JAK1: variants seen among roughly 807,000 people sequenced by gnomAD.
JAK1 encodes tyrosine-protein kinase JAK1.
JAK1 carries 16 observed loss-of-function variants against 136.6 expected under a neutral mutation model. The observed-to-expected ratio is 0.12, with a 90% CI of 0.08 to 0.18. The LOEUF (loss-of-function observed/expected upper bound fraction) is 0.18, where lower values mean the gene tolerates loss of function less well. JAK1 is among the 10% of genes least tolerant of loss of function. The probability of loss-of-function intolerance (pLI) is 1.00; values close to 1 mark genes in which losing one functional copy is unlikely to be tolerated. For synonymous variants in JAK1, 492 were observed against 519.5 expected, an observed-to-expected ratio of 0.95 and a Z score of 0.72; for missense variants, 859 against 1,450.1, an observed-to-expected ratio of 0.59 and a Z score of 6.62.
intron 1 of JAK1, among the ~76,000 whole-genome samples, chr1:64,964,856 C>G (rs1646344303): frequency 6.6e-6 from 1 of 152,140 alleles, no homozygotes; most frequent in Non-Finnish European, 1.5e-5. Context: ...CATTACAAAG[C>G]ATATTGTACC....
At chr1:64,863,766 TC>T (rs1234319357) in intron 8 of JAK1, among the ~76,000 whole-genome samples, 1 of 152,234 alleles carries the variant, frequency 6.6e-6, no homozygotes, top group Non-Finnish European at 1.5e-5. Flanking sequence ...TTTCTAATAT[TC>T]TGCTTCTCAG....
intron 2 of JAK1, among the ~76,000 whole-genome samples, chr1:64,976,539 C>T (rs1454202406): frequency 6.6e-6 from 1 of 152,200 alleles, no homozygotes; most frequent in Non-Finnish European, 1.5e-5. Context: ...CCCCATCATA[C>T]ACATGGCTGT....
Position 64,857,649 on chromosome 1 carries a change from G to A in JAK1, c.1458+7C>T, listed in dbSNP as rs750944093. The A allele has an allele frequency of 6.2e-7, 1 of 1,614,006 alleles. No individual in the cohort carries two copies. Among genetic ancestry groups the A allele is most frequent in the South Asian group, 1.1e-5 (1 of 91,060 alleles). ...ATGGCCTGGTCCAAGCCAGTGTCCT[G>A]ACTGACCTCAGACTTCTCAAAGCAG... On this transcript the variant is annotated splice_region_variant and intron_variant, in intron 10 of 24. Transcript: ENST00000342505.
intron 14 of JAK1, 140 bp from the exon 15 acceptor site, chr1:64,845,780 G>A: frequency 9.9e-7 from 1 of 1,014,274 alleles, no homozygotes; most frequent in Non-Finnish European, 1.5e-6. Flanking sequence ...AATGGTGCAG[G>A]GGCTTCAGAG....
chr1:65,054,694 A>T (rs1647449753), intron 1 of JAK1, among the ~76,000 whole-genome samples: 1 of 152,190 alleles, frequency 6.6e-6, no homozygotes, highest in African/African-American at 2.4e-5. Context: ...ACCAGAAAAG[A>T]CATAAAGCCA....
intron 1 of JAK1, among the ~76,000 whole-genome samples, chr1:64,923,505 G>A (rs1645531786): frequency 6.6e-6 from 1 of 152,174 alleles, no homozygotes; most frequent in Non-Finnish European, 1.5e-5. Flanking sequence ...CTTTGGTTCA[G>A]ATCACATGGG....
chr1:64,985,379 G>T (rs1038991048), intron 2 of JAK1: 1 of 1,611,038 alleles, frequency 6.2e-7, no homozygotes, highest in Non-Finnish European at 8.5e-7. Flanking sequence ...TCATCTCCTG[G>T]ATGTCTTGGG....
chr1:64,937,090 C>A (rs140078900), intron 1 of JAK1, among the ~76,000 whole-genome samples: 1 of 151,816 alleles, frequency 6.6e-6, no homozygotes. Context: ...TCCCCACCCC[C>A]AGTTTGGTCT....
At chr1:64,940,656 G>GA (rs1437621610) in intron 1 of JAK1, among the ~76,000 whole-genome samples, 8 of 152,070 alleles carry the variant, frequency 5.3e-5, no homozygotes, top group Non-Finnish European at 1.5e-5. Context: ...ATGAGGTTAA[G>GA]ACGGGTTTAC....
At chr1:64,835,167 G>T (rs1485105054) in intron 24 of JAK1, among the ~76,000 whole-genome samples, 1 of 152,206 alleles carries the variant, frequency 6.6e-6, no homozygotes, top group African/African-American at 2.4e-5. Flanking sequence ...GGATAAAGAG[G>T]GGCTGGCTTT....
At chr1:64,963,797 T>C (rs993797568) in intron 1 of JAK1, among the ~76,000 whole-genome samples, 1 of 152,146 alleles carries the variant, frequency 6.6e-6, no homozygotes, top group African/African-American at 2.4e-5. Context: ...TACTCAGTAT[T>C]CCAAAGCAGG....
At chr1:65,023,461 C>T (rs553731388) in intron 2 of JAK1, among the ~76,000 whole-genome samples, 5 of 152,174 alleles carry the variant, frequency 3.3e-5, no homozygotes, top group African/African-American at 4.8e-5. Flanking sequence ...GTTGTCTCAT[C>T]CTCTTGTCCC....
chr1:65,067,011 G>C (rs1034970133), intron 1 of JAK1, among the ~76,000 whole-genome samples: 1 of 152,104 alleles, frequency 6.6e-6, no homozygotes, highest in African/African-American at 2.4e-5. Flanking sequence ...AGCGAGGGCC[G>C]CGCAAAACCG....
chr1:64,840,876 C>T (rs573997685), intron 19 of JAK1, among the ~76,000 whole-genome samples: 18 of 152,040 alleles, frequency 1.2e-4, no homozygotes, highest in African/African-American at 3.4e-4. Flanking sequence ...TATATATGCC[C>T]GGGAAAGTCA....
chr1:64,973,224 AAAG>A (rs1034231643), intron 2 of JAK1: 4 of 149,032 alleles, frequency 2.7e-5, no homozygotes, highest in Admixed American at 6.7e-5. Flanking sequence ...AAAGAAAGGA[AAAG>A]AAAGAAAGAA....
intron 2 of JAK1, among the ~76,000 whole-genome samples, chr1:64,988,658 G>A (rs1646622607): frequency 6.6e-6 from 1 of 151,938 alleles, no homozygotes; most frequent in Non-Finnish European, 1.5e-5. Flanking sequence ...CAAGACAAGA[G>A]GATCTCTTGA....
chr1:65,016,670 G>A lies in JAK1; in HGVS notation c.-78+27810C>T, dbSNP rs571416708. 1.1e-3 allele frequency among the ~76,000 whole-genome samples: 163 copies of A among 152,126 alleles called. 1 individual carries two copies. Among genetic ancestry groups the A allele is most frequent in the African/African-American group, 3.7e-3 (155 of 41,516 alleles). ...TCCCAACACTTTGGGAGGCTGAGGC[G>A]GGTGGATCACTTGAGGTCAGGAGTT... On this transcript the variant is annotated intron_variant, in intron 2 of 25. Transcript: ENST00000671954.
intron 1 of JAK1, among the ~76,000 whole-genome samples, chr1:64,956,082 T>C (rs1532448): frequency 0.98 from 149,049 of 152,384 alleles, 72,962 homozygotes; most frequent in East Asian, 1. Context: ...GCCACACTCA[T>C]TGGTTTACAT....
rs1269447966 is a variant in JAK1, at chr1:64,845,603, C to T, written c.2025G>A (p.Leu675=). The change falls in exon 15 of 25, where the codon CTG becomes CTA. Residue 675 remains leucine (L), a synonymous_variant. Transcript: ENST00000342505. ...MVEEFVEGGP[L]DLFMHRKSDV... ...CGCTTTTCCGGTGCATGAAGAGATC[C>T]AGAGGACCCCCTTCCACAAACTCTT... The T allele has an allele frequency of 6.2e-7, 1 of 1,614,142 alleles. No individual in the cohort carries two copies. Among genetic ancestry groups the T allele is most frequent in the Non-Finnish European group, 8.5e-7 (1 of 1,180,036 alleles).
Sources: allele counts gnomAD v4.1 joint callset (sites outside exome capture counted in the v4.1 genomes callset), GRCh38; gene constraint gnomAD v4.1.1; transcripts MANE v1.5; gene names NCBI Gene and HGNC (gene_info 2026-07-23, HGNC 2026-07-21).